Variants in AXIN1 observed in about 807,000 individuals in gnomAD.
AXIN1 encodes axin-1.
A neutral mutation model predicts 76.4 loss-of-function variants in AXIN1; 30 were observed. The ratio of observed to expected loss-of-function variants is 0.39; its 90% CI spans 0.29 to 0.53. The LOEUF (loss-of-function observed/expected upper bound fraction) is 0.53. Among genes scored for constraint, AXIN1 ranks in the 20% least tolerant of loss-of-function variants. The pLI, the probability that AXIN1 is intolerant of heterozygous loss-of-function variation, is 0.66. For missense variants in AXIN1, 1,140 were observed against 1,198.8 expected (o/e 0.95, Z 0.72); for synonymous variants, 545 against 501.4 (o/e 1.09, Z -1.16).
chr16:297,357 C>A (rs1452905683), intron 6 of AXIN1, 131 bp from the exon 7 acceptor site: 22 of 1,210,468 alleles, frequency 1.8e-5, no homozygotes, highest in Non-Finnish European at 2.3e-5. Flanking sequence ...GTCCCCTGCC[C>A]GCTTGTCCCC....
rs762122326 is a variant in AXIN1, at chr16:314,530, G to A, written c.1019+13C>T. On this transcript the variant is annotated intron_variant, in intron 3 of 10. Transcript: ENST00000262320. Reference sequence around the variant, plus strand: ...CTGTCCGTGAGGGACTGGGTATCCGGGGCGGGACTTACACGCTGCTGTCCG... The same window carrying A: ...CTGTCCGTGAGGGACTGGGTATCCGAGGCGGGACTTACACGCTGCTGTCCG... 3 of 1,610,640 alleles carry A rather than the reference G, an allele frequency of 1.9e-6. No homozygotes were observed. In the South Asian group the frequency reaches 3.3e-5, roughly 18 times the overall value.
At chr16:342,337 C>A (rs973591468) in intron 2 of AXIN1, among the ~76,000 whole-genome samples, 1 of 152,124 alleles carries the variant, frequency 6.6e-6, no homozygotes, top group East Asian at 1.9e-4. Context: ...GGCAAGGGTC[C>A]GCGGCTTCAT....
rs376835130 is a variant in AXIN1, at chr16:288,166, C to G, written c.2545G>C (p.Val849Leu). 6.2e-7 allele frequency: 1 copy of G among 1,613,678 alleles called. No homozygotes were observed. The highest frequency in any genetic ancestry group is 8.5e-7 in the Non-Finnish European group (1 of 1,180,020). Residue 849 changes from valine to leucine, a missense_variant, in exon 11 of 11, where the codon GTC becomes CTC. Val to Leu is a conservative substitution (Grantham distance 32, BLOSUM62 1). Around this residue, in one of 3 missense-constraint regions of AXIN1, gnomAD observed 429 missense variants for 405.8 expected, o/e 1.06. Coordinates refer to ENST00000262320, the MANE Select transcript of AXIN1 (RefSeq NM_003502.4). ...TTGCCGATGATCTTCTCCTCAAAGA[C>G]GGGCAGGACGGCCTCGTCCTCTCGA... ...EVREDEAVLP[V>L]FEEKIIGKVE...
In AXIN1 at chr16:297,817, G is replaced by C; in HGVS notation, c.1689C>G (p.Ala563=). The change falls in exon 6 of 11, where the codon GCC becomes GCG. Residue 563 remains alanine (A), a synonymous_variant. Coordinates refer to ENST00000262320, the MANE Select transcript of AXIN1 (RefSeq NM_003502.4). ...EATRRAQSSF[A]WGLEPHSHGA... is the part of the protein sequence containing the mutation. Reference sequence around the variant, plus strand: ...CATGGCTGTGTGGTTCCAGGCCCCAGGCGAAGCTGCTCTGGGCCCTGCGGG... The same window carrying C: ...CATGGCTGTGTGGTTCCAGGCCCCACGCGAAGCTGCTCTGGGCCCTGCGGG... The C allele has an allele frequency of 6.4e-7, 1 of 1,568,274 alleles. No homozygotes were observed. The highest frequency in any genetic ancestry group is 1.8e-5 in the Admixed American group (1 of 56,372).
chr16:302,994 T>C (rs1187443938), intron 5 of AXIN1, among the ~76,000 whole-genome samples: 1 of 152,156 alleles, frequency 6.6e-6, no homozygotes, highest in Non-Finnish European at 1.5e-5. Context: ...CCTGAATACC[T>C]GGGACCACAG....
chr16:331,645 C>A (rs769578624), intron 2 of AXIN1, among the ~76,000 whole-genome samples: 17 of 152,296 alleles, frequency 1.1e-4, no homozygotes, highest in African/African-American at 3.6e-4. Flanking sequence ...CATAACAAAG[C>A]CAAAACAAAA....
intron 1 of AXIN1, among the ~76,000 whole-genome samples, chr16:348,832 C>A (rs944003084): frequency 1.1e-4 from 17 of 151,592 alleles, no homozygotes; most frequent in African/African-American, 4.1e-4. Flanking sequence ...GGCACAGTGG[C>A]TCACACCTGT....
At position 298,069 on chromosome 16, in the gene AXIN1, C is replaced by CA. The variant is rs754189041; in HGVS notation, c.1436dup (p.Arg480GlufsTer111). 1 of 1,568,992 alleles carries CA rather than the reference C, an allele frequency of 6.4e-7. No individual in the cohort carries two copies. The highest frequency in any genetic ancestry group is 8.6e-7 in the Non-Finnish European group (1 of 1,162,260). ...CAGGCGACTGGCGGCCAGGTGTCCT[C>CA]AGCACACGCTGTACGTGCTCGTCCA... On this transcript the variant is annotated frameshift_variant, in exon 6 of 11. Transcript: ENST00000262320. LOFTEE classifies it high-confidence loss of function.
Position 346,306 on chromosome 16 carries a change from G to A in AXIN1, c.720C>T (p.Thr240=), listed in dbSNP as rs2054032929. ...ACTTCCATTCCTCATCTTCATTTAA[G>A]GTCGGCAGGTATCCAGATATGCCCT... The part of the protein sequence containing the change: ...TGKGISGYLP[T]LNEDEEWKCD... Residue 240 remains threonine, a synonymous_variant, in exon 2 of 11, where the codon ACC becomes ACT. Transcript: ENST00000262320. 2 of 1,614,214 alleles carry A rather than the reference G, an allele frequency of 1.2e-6. No individual in the cohort carries two copies. Among genetic ancestry groups the A allele is most frequent in the Non-Finnish European group, 1.7e-6 (2 of 1,180,046 alleles).
At chr16:327,428 C>T (rs2053607533) in intron 2 of AXIN1, among the ~76,000 whole-genome samples, 1 of 152,262 alleles carries the variant, frequency 6.6e-6, no homozygotes, top group Non-Finnish European at 1.5e-5. Flanking sequence ...GCCCTGCGGC[C>T]TGTGCCTAGG....
rs567904910 is a variant in AXIN1 at position 335,381 on chromosome 16, T to C, written c.878+10767A>G. The stretch of plus-strand genomic sequence containing the variant: ...AGCACACAGTACCACAGCATGCCAA[T>C]AATGCAGCACCCAGTATCATGGCAC... On this transcript the variant is annotated intron_variant, in intron 2 of 10. Coordinates refer to ENST00000262320, the MANE Select transcript of AXIN1 (RefSeq NM_003502.4). Among the ~76,000 whole-genome samples, 288 of 152,032 alleles carry C rather than the reference T, an allele frequency of 1.9e-3. 1 individual carries two copies. The highest frequency in any genetic ancestry group is 3.2e-3 in the Non-Finnish European group (219 of 67,958).
chr16:318,706 G>C (rs1025148798), intron 2 of AXIN1, among the ~76,000 whole-genome samples: 2 of 152,216 alleles, frequency 1.3e-5, no homozygotes, highest in African/African-American at 4.8e-5. Flanking sequence ...GTGTGTGCAT[G>C]CCCACGTATC....
chr16:315,832 GAAAAAAA>G (rs922939817), intron 2 of AXIN1, among the ~76,000 whole-genome samples: 9 of 72,668 alleles, frequency 1.2e-4, no homozygotes, highest in Admixed American at 3.5e-4. Context: ...TGTCTCAAAA[GAAAAAAA>G]AAAAAAAAAA....
rs190149494 is a variant in AXIN1 at position 332,557 on chromosome 16, A to C, written c.878+13591T>G. Among the ~76,000 whole-genome samples the C allele has an allele frequency of 2.1e-3, 320 of 151,626 alleles. 4 individuals are homozygous for C. Among genetic ancestry groups the C allele is most frequent in the African/African-American group, 7.2e-3 (296 of 41,296 alleles). On this transcript the variant is annotated intron_variant, in intron 2 of 10. Transcript: ENST00000262320. The stretch of plus-strand genomic sequence containing the variant: ...TGCCACTGCACTCCAGGCTGGGCGA[A>C]AGAGCGAGACTCCTTCTCAAAAAAA...
chr16:327,595 C>G (rs528825115), intron 2 of AXIN1, among the ~76,000 whole-genome samples: 1 of 152,252 alleles, frequency 6.6e-6, no homozygotes, highest in African/African-American at 2.4e-5. Flanking sequence ...TTTCTGCAGA[C>G]TGTCCACAGG....
chr16:333,057 G>T (rs927978462), intron 2 of AXIN1, among the ~76,000 whole-genome samples: 2 of 152,116 alleles, frequency 1.3e-5, no homozygotes, highest in Non-Finnish European at 2.9e-5. Flanking sequence ...AGGTGGGCCG[G>T]GTGCAATTGC....
At chr16:320,743 A>ATTTTTTTTTTTTTTTT (rs71299927) in intron 2 of AXIN1, among the ~76,000 whole-genome samples, 1 of 107,664 alleles carries the variant, frequency 9.3e-6, no homozygotes, top group African/African-American at 4.6e-5. Context: ...ATATATATAT[A>ATTTTTTTTTTTTTTTT]TTTTTTTTTT....
rs2141475840 is a variant in AXIN1, at chr16:291,205, T to C, written c.2279A>G (p.Glu760Gly). Residue 760 changes from glutamate to glycine, a missense_variant, in exon 9 of 11, where the codon GAG becomes GGG. Coordinates refer to ENST00000262320, the MANE Select transcript of AXIN1 (RefSeq NM_003502.4). ...LHVVPAVSDM[E>G]LSETETRSQR... Reference sequence around the variant, plus strand: ...ACGCACGTACTCTGTCTCGGAGAGCTCCATGTCCGACACGGCTGGTACCAC... The same window carrying C: ...ACGCACGTACTCTGTCTCGGAGAGCCCCATGTCCGACACGGCTGGTACCAC... The C allele has an allele frequency of 2.5e-6, 4 of 1,587,390 alleles. No individual in the cohort carries two copies. Among genetic ancestry groups the C allele is most frequent in the Non-Finnish European group, 3.4e-6 (4 of 1,167,728 alleles).
At chr16:344,101 T>C (rs183709593) in intron 2 of AXIN1, among the ~76,000 whole-genome samples, 484 of 152,016 alleles carry the variant, frequency 3.2e-3, no homozygotes, top group Middle Eastern at 0.02. Flanking sequence ...CCTAAAATGC[T>C]TGCTAAATAA....
Sources: allele counts gnomAD v4.1 joint callset (sites outside exome capture counted in the v4.1 genomes callset), GRCh38; gene constraint gnomAD v4.1.1; regional missense constraint gnomAD v4.1.1; transcripts MANE v1.5; gene names NCBI Gene and HGNC (gene_info 2026-07-23, HGNC 2026-07-21).